DHRS7B: variants seen among roughly 807,000 people sequenced by gnomAD.
DHRS7B encodes the protein dehydrogenase/reductase 7B.
In DHRS7B, 24 loss-of-function variants were observed where a neutral mutation model predicts 26.4. The observed-to-expected ratio is 0.91, with a 90% CI of 0.66 to 1.28. DHRS7B has a LOEUF of 1.28. Among genes scored for constraint, DHRS7B ranks in the 50% most tolerant of loss-of-function variants. The pLI, the probability that DHRS7B is intolerant of heterozygous loss-of-function variation, is 0.00. For missense variants in DHRS7B, 368 were observed against 419.4 expected (o/e 0.88, Z 1.07); for synonymous variants, 142 against 166.4 (o/e 0.85, Z 1.13).
At position 21,156,506 on chromosome 17, in the gene DHRS7B, G is replaced by A. The variant is rs138251956; in HGVS notation, c.21-15512G>A. 9.9e-3 allele frequency among the ~76,000 whole-genome samples: 1,512 copies of A among 152,200 alleles called. 33 individuals are homozygous for A. Among genetic ancestry groups the A allele is most frequent in the African/African-American group, 0.035 (1,438 of 41,510 alleles). On this transcript the variant is annotated intron_variant, in intron 1 of 6. Transcript: ENST00000395511. The stretch of plus-strand genomic sequence containing the variant: ...TGTAATCCCAGCTACTTGGGAGGCT[G>A]AGGCAGGAGAATCGCTTGAACCTGG...
chr17:21,188,540 G>A (rs563136575), intron 5 of DHRS7B, among the ~76,000 whole-genome samples, 171 bp from the exon 6 acceptor site: 1 of 152,338 alleles, frequency 6.6e-6, no homozygotes, highest in Non-Finnish European at 1.5e-5. Context: ...GCTGAGGCAG[G>A]AGGATCACTT....
intron 1 of DHRS7B, among the ~76,000 whole-genome samples, chr17:21,152,404 C>T (rs1312496906): frequency 6.6e-6 from 1 of 152,240 alleles, no homozygotes; most frequent in Non-Finnish European, 1.5e-5. Context: ...ATATGCCTGC[C>T]TCAGCCTCCC....
chr17:21,180,274 C>T lies in DHRS7B; in HGVS notation c.309+1932C>T, dbSNP rs147009046. 7.0e-3 allele frequency among the ~76,000 whole-genome samples: 1,070 copies of T among 152,068 alleles called. 14 individuals carry two copies. The highest frequency in any genetic ancestry group is 0.023 in the African/African-American group (966 of 41,450). ...ATTTTTAGTAGAGATTGGGTTTCACCGTGTTGGCCAGAATGGTCTCAGTCT... is the reference window on the plus strand; with the variant it reads ...ATTTTTAGTAGAGATTGGGTTTCACTGTGTTGGCCAGAATGGTCTCAGTCT... On this transcript the variant is annotated intron_variant, in intron 3 of 6. Transcript: ENST00000395511.
intron 1 of DHRS7B, among the ~76,000 whole-genome samples, chr17:21,135,667 G>A (rs557322872): frequency 1.5e-4 from 23 of 152,158 alleles, no homozygotes; most frequent in African/African-American, 3.9e-4. Flanking sequence ...AATCTTGACC[G>A]TAAGATATAG....
At chr17:21,149,319 G>A (rs1184151369) in intron 1 of DHRS7B, among the ~76,000 whole-genome samples, 1 of 152,098 alleles carries the variant, frequency 6.6e-6, no homozygotes, top group Non-Finnish European at 1.5e-5. Flanking sequence ...AAAGTTGAGA[G>A]AATTTACCGC....
chr17:21,128,245 A>C (rs947076322), intron 1 of DHRS7B: 2 of 152,232 alleles, frequency 1.3e-5, no homozygotes. Context: ...ACGCCATTGC[A>C]TTCAAGTCTG....
Position 21,171,103 on chromosome 17 carries a change from G to A in DHRS7B, c.21-915G>A, listed in dbSNP as rs141281881. On this transcript the variant is annotated intron_variant, in intron 1 of 6. Coordinates refer to ENST00000395511, the MANE Select transcript of DHRS7B (RefSeq NM_015510.5). ...GCTCGCTCGTCAAGTGGCCTTCCAGGGCATTGCTTCCCAGCGACAGCACAT... is the reference window on the plus strand; with the variant it reads ...GCTCGCTCGTCAAGTGGCCTTCCAGAGCATTGCTTCCCAGCGACAGCACAT... Among the ~76,000 whole-genome samples, 190 of 152,156 alleles carry A rather than the reference G, an allele frequency of 1.2e-3. 1 individual carries two copies. The highest frequency in any genetic ancestry group is 2.6e-3 in the Admixed American group (39 of 15,288).
At chr17:21,131,107 C>T (rs907113807) in intron 1 of DHRS7B, among the ~76,000 whole-genome samples, 18 of 152,160 alleles carry the variant, frequency 1.2e-4, no homozygotes, top group Non-Finnish European at 1.6e-4. Flanking sequence ...TGATCCAGAC[C>T]TCAAGAGAGG....
At chr17:21,157,029 C>T (rs1281617215) in intron 1 of DHRS7B, among the ~76,000 whole-genome samples, 2 of 151,810 alleles carry the variant, frequency 1.3e-5, no homozygotes, top group African/African-American at 2.4e-5. Context: ...AAGAAATAGA[C>T]ACTCTGAATG....
At chr17:21,183,515 G>A in intron 3 of DHRS7B, 79 bp from the exon 4 acceptor site, 2 of 1,328,966 alleles carry the variant, frequency 1.5e-6, no homozygotes, top group Admixed American at 1.8e-5. Flanking sequence ...ATTGTTTTGA[G>A]GCTAAGTGAT....
At chr17:21,187,920 C>T (rs191476281) in intron 5 of DHRS7B, among the ~76,000 whole-genome samples, 12,131 of 152,012 alleles carry the variant, frequency 0.08, 859 homozygotes, top group African/African-American at 0.2. Flanking sequence ...GCGATCTCCG[C>T]TCACTGCAAG....
chr17:21,159,250 C>CTT (rs749833688), intron 1 of DHRS7B, among the ~76,000 whole-genome samples: 2,323 of 143,926 alleles, frequency 0.016, 31 homozygotes, highest in African/African-American at 0.031. Flanking sequence ...TTCTTTCTTT[C>CTT]TTTTTTTTTT....
chr17:21,153,600 C>G (rs1004431455), intron 1 of DHRS7B, among the ~76,000 whole-genome samples: 3 of 152,116 alleles, frequency 2.0e-5, no homozygotes, highest in Non-Finnish European at 2.9e-5. Flanking sequence ...TATAAAAAAA[C>G]AGAAATGTCT....
At chr17:21,168,381 G>A (rs140118635) in intron 1 of DHRS7B, among the ~76,000 whole-genome samples, 94 of 152,088 alleles carry the variant, frequency 6.2e-4, no homozygotes, top group Non-Finnish European at 1.0e-3. Flanking sequence ...TTTTTTGTTT[G>A]CTTTTGAGAC....
At chr17:21,173,410 G>A (rs1974304716) in intron 2 of DHRS7B, among the ~76,000 whole-genome samples, 1 of 152,244 alleles carries the variant, frequency 6.6e-6, no homozygotes, top group Non-Finnish European at 1.5e-5. Context: ...AGAACTCACA[G>A]TCTCAAAGCT....
intron 2 of DHRS7B, among the ~76,000 whole-genome samples, chr17:21,172,834 G>A (rs1042785952): frequency 6.6e-6 from 1 of 152,212 alleles, no homozygotes; most frequent in African/African-American, 2.4e-5. Flanking sequence ...CGGGACCCTG[G>A]CCTGGAGTGT....
chr17:21,162,185 T>G (rs1202343286), intron 1 of DHRS7B, among the ~76,000 whole-genome samples: 1 of 152,126 alleles, frequency 6.6e-6, no homozygotes, highest in East Asian at 1.9e-4. Flanking sequence ...ATTTCAACCA[T>G]GAGACTACAT....
chr17:21,146,326 C>T (rs1196993655), intron 1 of DHRS7B, among the ~76,000 whole-genome samples: 9 of 152,068 alleles, frequency 5.9e-5, no homozygotes, highest in East Asian at 5.8e-4. Flanking sequence ...ATTTGAGCCC[C>T]GGAGGTCAAG....
chr17:21,185,234 A>T (rs139641390), intron 5 of DHRS7B, among the ~76,000 whole-genome samples: 19 of 152,354 alleles, frequency 1.2e-4, no homozygotes, highest in African/African-American at 4.6e-4. Context: ...TGCCTATACC[A>T]GCCTCATCTC....
Sources: gnomAD v4.1 joint callset for allele counts (sites outside exome capture counted in the v4.1 genomes callset) on GRCh38, gnomAD v4.1.1 for gene constraint, MANE v1.5 for transcripts, NCBI Gene and HGNC (gene_info 2026-07-23, HGNC 2026-07-21) for gene names.